Variants in RORA observed in about 807,000 individuals in gnomAD.
RORA encodes RAR related orphan receptor A.
RORA carries 7 observed loss-of-function variants against 69.5 expected under a neutral mutation model. That is an observed-to-expected ratio of 0.10 (90% CI 0.06 to 0.19). RORA has a LOEUF of 0.19. Ranked by LOEUF, RORA falls within the 10% of genes least tolerant of loss-of-function variation. RORA has a pLI of 1.00. For missense variants in RORA, 457 were observed against 663.0 expected, an observed-to-expected ratio of 0.69 and a Z score of 3.41; for synonymous variants, 261 against 240.8, an observed-to-expected ratio of 1.08 and a Z score of -0.78.
At position 60,872,554 on chromosome 15, in the gene RORA, A is replaced by G. The variant is rs73430062; in HGVS notation, c.167-193868T>C. The stretch of plus-strand genomic sequence containing the variant: ...GTGAGAACAGCAAAGGTTTTGCTTG[A>G]CATCTCCTGGAATCTCTGAAACTGC... On this transcript the variant is annotated intron_variant, in intron 1 of 10. Transcript: ENST00000335670. Among the ~76,000 whole-genome samples, 531 of 152,278 alleles carry G rather than the reference A, an allele frequency of 3.5e-3. 6 individuals are homozygous for G. The highest frequency in any genetic ancestry group is 0.012 in the African/African-American group (514 of 41,542).
chr15:60,781,457 C>A (rs554508204), intron 1 of RORA, among the ~76,000 whole-genome samples: 1 of 152,298 alleles, frequency 6.6e-6, no homozygotes, highest in South Asian at 2.1e-4. Context: ...GGCCTGCTTA[C>A]CAGTGTTTCA....
chr15:60,977,046 C>T (rs2414687), intron 1 of RORA, among the ~76,000 whole-genome samples: 2 of 148,632 alleles, frequency 1.3e-5, no homozygotes, highest in Non-Finnish European at 3.0e-5. Flanking sequence ...TGCTGAAAAG[C>T]GTCTTGTTTG....
chr15:60,859,546 C>A (rs1326738641), intron 1 of RORA, among the ~76,000 whole-genome samples: 1 of 150,492 alleles, frequency 6.6e-6, no homozygotes. Context: ...ACAATCATAG[C>A]TCATTGCAGT....
intron 2 of RORA, among the ~76,000 whole-genome samples, chr15:60,595,493 C>T (rs1399408677): frequency 1.3e-5 from 2 of 150,260 alleles, no homozygotes; most frequent in South Asian, 2.1e-4. Context: ...CCAGCCTGGG[C>T]GACAGAGCAA....
At chr15:61,001,500 T>C (rs11638929) in intron 1 of RORA, among the ~76,000 whole-genome samples, 67,972 of 152,092 alleles carry the variant, frequency 0.45, 15,794 homozygotes, top group Middle Eastern at 0.56. Context: ...CGCTGGGAGA[T>C]GGGCATTTAT....
In RORA at chr15:60,882,684, C is replaced by T. The variant is rs897099267; in HGVS notation, c.167-203998G>A. Among the ~76,000 whole-genome samples, 19 of 151,506 alleles carry T rather than the reference C, an allele frequency of 1.3e-4. 1 individual carries two copies. The highest frequency in any genetic ancestry group is 3.2e-4 in the African/African-American group (13 of 41,212). ...ACACACACACACAAACACACACACA[C>T]GGTCTAGAAGGATACACACCTAGAC... is the stretch of plus-strand genomic sequence containing the variant. On this transcript the variant is annotated intron_variant, in intron 1 of 10. Transcript: ENST00000335670.
At position 60,499,916 on chromosome 15, in the gene RORA, G is replaced by C; in HGVS notation, c.1383C>G (p.His461Gln). ...CCTTTGTTAGTATTCCATCTTCTCG[G>C]TGATTCTTCTGTAGGACGTGTTGAA... ...LALQHVLQKN[H>Q]REDGILTKLI... The change falls in exon 10 of 11, where the codon CAC (histidine) becomes CAG (glutamine). Residue 461 changes from histidine (H) to glutamine (Q), a missense_variant. His to Gln is a conservative substitution (Grantham distance 24). Transcript: ENST00000335670. 1 of 1,609,346 alleles carries C rather than the reference G, an allele frequency of 6.2e-7. No individual in the cohort carries two copies. The highest frequency in any genetic ancestry group is 1.1e-5 in the South Asian group (1 of 90,774).
intron 1 of RORA, among the ~76,000 whole-genome samples, chr15:60,842,110 T>C (rs11630062): frequency 0.16 from 23,840 of 151,960 alleles, 2,513 homozygotes; most frequent in East Asian, 0.44. Context: ...GCCATCTTCC[T>C]TTCTAAAGTT....
intron 1 of RORA, among the ~76,000 whole-genome samples, chr15:61,032,826 A>G (rs963834137): frequency 2.0e-5 from 3 of 152,188 alleles, no homozygotes; most frequent in Admixed American, 6.5e-5. Context: ...CCACAGCAGC[A>G]ATTTGGAACA....
intron 1 of RORA, among the ~76,000 whole-genome samples, chr15:61,045,467 T>C (rs1337345452): frequency 6.6e-6 from 1 of 152,152 alleles, no homozygotes; most frequent in Non-Finnish European, 1.5e-5. Context: ...CTGGGGAGTA[T>C]GGGGCAGCAT....
chr15:61,213,245 C>T lies in RORA; in HGVS notation c.166+15808G>A, dbSNP rs964500340. Reference sequence around the variant, plus strand: ...TTCCTGGGGAATCCTACCGCAGAGTCAACTCTTCTTCGCCTTCCACTCCCA... The same window carrying T: ...TTCCTGGGGAATCCTACCGCAGAGTTAACTCTTCTTCGCCTTCCACTCCCA... On this transcript the variant is annotated intron_variant, in intron 1 of 10. Coordinates refer to ENST00000335670, the MANE Select transcript of RORA (RefSeq NM_134261.3). This position sits in a 1 kb window ranked among gnomAD's most constrained non-coding sequence, Gnocchi z 4.1. 6.6e-6 allele frequency among the ~76,000 whole-genome samples: 1 copy of T among 152,152 alleles called. No individual in the cohort carries two copies. The highest frequency in any genetic ancestry group is 2.4e-5 in the African/African-American group (1 of 41,430).
chr15:60,992,242 C>T (rs1397695535), intron 1 of RORA, among the ~76,000 whole-genome samples: 2 of 152,184 alleles, frequency 1.3e-5, no homozygotes, highest in East Asian at 3.9e-4. Context: ...AAATGGAAGA[C>T]TTGATTAAAA....
intron 5 of RORA, among the ~76,000 whole-genome samples, chr15:60,506,742 C>T (rs879503837): frequency 1.3e-5 from 2 of 151,872 alleles, no homozygotes; most frequent in Non-Finnish European, 2.9e-5. Context: ...ATCCCAGCTA[C>T]TTGAGAGGCT....
At chr15:60,721,921 G>T (rs1030140421) in intron 1 of RORA, among the ~76,000 whole-genome samples, 1 of 152,178 alleles carries the variant, frequency 6.6e-6, no homozygotes, top group South Asian at 2.1e-4. Context: ...TCAAGGACTC[G>T]CCCTAGACGG....
intron 1 of RORA, among the ~76,000 whole-genome samples, chr15:60,942,249 C>T (rs1188474472): frequency 6.6e-6 from 1 of 152,184 alleles, no homozygotes; most frequent in African/African-American, 2.4e-5. Context: ...GATGTGGAAA[C>T]TGAGTCTTAG....
At chr15:60,763,803 A>C (rs1017459822) in intron 1 of RORA, 2 of 152,156 alleles carry the variant, frequency 1.3e-5, no homozygotes, top group African/African-American at 4.8e-5. Flanking sequence ...CCACCTCCGG[A>C]GGCTTTTATT....
chr15:60,772,232 C>T (rs953369085), intron 1 of RORA, among the ~76,000 whole-genome samples: 14 of 151,942 alleles, frequency 9.2e-5, no homozygotes, highest in South Asian at 6.2e-4. Flanking sequence ...TGACAGGCCG[C>T]GGTGTGTGAT....
intron 1 of RORA, among the ~76,000 whole-genome samples, chr15:60,929,240 T>C (rs1195592557): frequency 6.6e-6 from 1 of 152,128 alleles, no homozygotes; most frequent in Non-Finnish European, 1.5e-5. Flanking sequence ...TGGTGCAACA[T>C]GTTAAGATTT....
intron 1 of RORA, among the ~76,000 whole-genome samples, chr15:60,713,797 C>T (rs1367671301): frequency 1.3e-5 from 2 of 152,160 alleles, no homozygotes; most frequent in Admixed American, 6.5e-5. Flanking sequence ...ATGAAGGGCT[C>T]AATACATATA....
Sources: allele counts gnomAD v4.1 joint callset (sites outside exome capture counted in the v4.1 genomes callset), GRCh38; gene constraint gnomAD v4.1.1; non-coding constraint Gnocchi (gnomAD v3.1); transcripts MANE v1.5; gene names NCBI Gene and HGNC (gene_info 2026-07-23, HGNC 2026-07-21).